CSMD1: variants seen among roughly 807,000 people sequenced by gnomAD.
The protein encoded by CSMD1 is CUB and Sushi multiple domains 1, also known as CUB and sushi domain-containing protein 1.
In CSMD1, 213 loss-of-function variants were observed where a neutral mutation model predicts 417.5. The observed-to-expected ratio is 0.51, with a 90% CI of 0.46 to 0.57. The LOEUF (loss-of-function observed/expected upper bound fraction) is 0.57, where lower values mean the gene tolerates loss of function less well. Ranked by LOEUF, CSMD1 falls within the 20% of genes least tolerant of loss-of-function variation. CSMD1 has a pLI of 0.00. For synonymous variants in CSMD1, 2,862 were observed against 1,736.8 expected (o/e 1.65, Z -16.11); for missense variants, 6,923 against 4,529.7 (o/e 1.53, Z -15.17).
intron 50 of CSMD1, among the ~76,000 whole-genome samples, chr8:3,040,687 C>T (rs952043103): frequency 9.9e-5 from 15 of 151,910 alleles, no homozygotes; most frequent in African/African-American, 3.6e-4. Context: ...CCTGTAATCC[C>T]AGCCACTCGG....
At chr8:3,349,545 A>G (rs1384684363) in intron 21 of CSMD1, among the ~76,000 whole-genome samples, 1 of 151,932 alleles carries the variant, frequency 6.6e-6, no homozygotes, top group Non-Finnish European at 1.5e-5. Flanking sequence ...CTCGGGGTGC[A>G]AGTGTTGAGG....
intron 1 of CSMD1, among the ~76,000 whole-genome samples, chr8:4,768,807 A>G (rs1796456286): frequency 6.6e-6 from 1 of 152,212 alleles, no homozygotes; most frequent in African/African-American, 2.4e-5. Flanking sequence ...AATTAATAAA[A>G]CAAATGGAAA....
intron 3 of CSMD1, among the ~76,000 whole-genome samples, chr8:4,289,299 T>C (rs1458277824): frequency 6.6e-6 from 1 of 152,230 alleles, no homozygotes; most frequent in Non-Finnish European, 1.5e-5. Context: ...ATTTCACCCA[T>C]TATATATGAG....
chr8:3,785,632 C>T (rs560139113), intron 5 of CSMD1, among the ~76,000 whole-genome samples: 9 of 152,270 alleles, frequency 5.9e-5, no homozygotes, highest in South Asian at 2.1e-4. Flanking sequence ...AAGTTACCAT[C>T]GAGTGTTTAT....
At chr8:4,420,103 C>G (rs766926765) in intron 2 of CSMD1, 38 bp from the exon 3 acceptor site, 8 of 1,442,990 alleles carry the variant, frequency 5.5e-6, no homozygotes, top group African/African-American at 3.1e-5. Context: ...GAGTTAAAAG[C>G]ATGAATTTGT....
chr8:4,002,547 G>C (rs915966992), intron 4 of CSMD1, among the ~76,000 whole-genome samples: 3 of 152,138 alleles, frequency 2.0e-5, no homozygotes, highest in Admixed American at 6.6e-5. Flanking sequence ...TTTCGACTGA[G>C]AAAAATTAAT....
At chr8:4,623,946 C>T (rs1289277902) in intron 2 of CSMD1, among the ~76,000 whole-genome samples, 1 of 152,020 alleles carries the variant, frequency 6.6e-6, no homozygotes, top group Non-Finnish European at 1.5e-5. Flanking sequence ...ATATAAATCT[C>T]ATCCAATTTA....
rs988331041 is a variant in CSMD1, at chr8:4,762,331, G to C, written c.86-124773C>G. Among the ~76,000 whole-genome samples the C allele has an allele frequency of 2.0e-5, 3 of 151,886 alleles. 1 individual carries two copies. Among genetic ancestry groups the C allele is most frequent in the African/African-American group, 7.3e-5 (3 of 41,332 alleles). ...TGTTTACTGGTATAACATTTAATAA[G>C]TTTATATTTATACCAGTAAACTTTG... On this transcript the variant is annotated intron_variant, in intron 1 of 69. Transcript: ENST00000635120.
At chr8:4,356,833 A>G (rs961472253) in intron 3 of CSMD1, among the ~76,000 whole-genome samples, 1 of 152,154 alleles carries the variant, frequency 6.6e-6, no homozygotes, top group Admixed American at 6.5e-5. Context: ...GCACATTCCT[A>G]GTTGTTCAGC....
chr8:3,898,777 C>A (rs188518211), intron 5 of CSMD1, among the ~76,000 whole-genome samples: 1 of 152,080 alleles, frequency 6.6e-6, no homozygotes, highest in Non-Finnish European at 1.5e-5. Context: ...TGAGGAAGAC[C>A]TTCTCTAAAA....
At chr8:3,843,490 C>T (rs553373829) in intron 5 of CSMD1, among the ~76,000 whole-genome samples, 6 of 151,710 alleles carry the variant, frequency 4.0e-5, no homozygotes, top group African/African-American at 1.5e-4. Flanking sequence ...ACTTTGTGTA[C>T]ATGAAACATG....
intron 2 of CSMD1, among the ~76,000 whole-genome samples, chr8:4,507,804 G>T (rs1222686188): frequency 6.6e-6 from 1 of 152,160 alleles, no homozygotes; most frequent in Non-Finnish European, 1.5e-5. Flanking sequence ...CTTTATATGA[G>T]AATGTCTGCT....
At chr8:4,436,871 G>A (rs902533531) in intron 2 of CSMD1, among the ~76,000 whole-genome samples, 3 of 152,150 alleles carry the variant, frequency 2.0e-5, no homozygotes, top group African/African-American at 7.2e-5. Flanking sequence ...TGGCTGAAGA[G>A]TACTCCATTG....
intron 3 of CSMD1, 39 bp downstream of exon 3, chr8:4,419,914 G>A: frequency 1.6e-6 from 2 of 1,275,850 alleles, no homozygotes; most frequent in South Asian, 1.3e-5. Flanking sequence ...AGATCATTTG[G>A]ACAGTGAATG....
At chr8:3,927,125 T>C (rs955251155) in intron 5 of CSMD1, among the ~76,000 whole-genome samples, 3 of 151,922 alleles carry the variant, frequency 2.0e-5, no homozygotes, top group Admixed American at 6.6e-5. Context: ...GAGAATAATA[T>C]AAATTATTAT....
chr8:4,236,176 G>A (rs1308090286), intron 3 of CSMD1, among the ~76,000 whole-genome samples: 1 of 151,622 alleles, frequency 6.6e-6, no homozygotes, highest in Non-Finnish European at 1.5e-5. Context: ...GAACTGAAAT[G>A]CCACGGACAA....
chr8:4,007,959 G>C (rs960943564), intron 4 of CSMD1, among the ~76,000 whole-genome samples: 1 of 152,166 alleles, frequency 6.6e-6, no homozygotes, highest in Non-Finnish European at 1.5e-5. Context: ...CGAAATTTCA[G>C]ATAAAAATTA....
At chr8:4,220,230 C>T (rs1027330321) in intron 3 of CSMD1, among the ~76,000 whole-genome samples, 2 of 152,154 alleles carry the variant, frequency 1.3e-5, no homozygotes, top group Non-Finnish European at 2.9e-5. Context: ...GGATTAGAGG[C>T]GTGAGCCACC....
intron 25 of CSMD1, among the ~76,000 whole-genome samples, chr8:3,305,540 C>T (rs1306131352): frequency 6.6e-6 from 1 of 151,018 alleles, no homozygotes; most frequent in Non-Finnish European, 1.5e-5. Context: ...TTAAGCTTGG[C>T]CCCATTTCCT....
Sources: allele counts gnomAD v4.1 joint callset (sites outside exome capture counted in the v4.1 genomes callset), GRCh38; gene constraint gnomAD v4.1.1; transcripts MANE v1.5; gene names NCBI Gene and HGNC (gene_info 2026-07-23, HGNC 2026-07-21).